Variants in PCED1B observed in about 807,000 individuals in gnomAD.
PCED1B encodes the protein PC-esterase domain-containing protein 1B.
For missense variants in PCED1B, 573 were observed against 573.9 expected, an observed-to-expected ratio of 1.00 and a Z score of 0.02; for synonymous variants, 251 against 246.1, an observed-to-expected ratio of 1.02 and a Z score of -0.19.
intron 2 of PCED1B, among the ~76,000 whole-genome samples, chr12:47,141,684 C>A (rs1049110824): frequency 1.3e-5 from 2 of 152,186 alleles, no homozygotes; most frequent in Non-Finnish European, 2.9e-5. Flanking sequence ...CCACAGCATA[C>A]CTTCAAAGAG....
chr12:47,177,857 G>A lies in PCED1B; in HGVS notation c.-525-38365G>A, dbSNP rs994871999. Among the ~76,000 whole-genome samples, 5 of 152,108 alleles carry A rather than the reference G, an allele frequency of 3.3e-5. No individual in the cohort carries two copies. The South Asian group carries it at 1.0e-3, about 32-fold the overall frequency. Reference sequence around the variant, plus strand: ...TACTACTCAGGAGGCTGGGGCAGGAGAATCGCTTGAACTCGGTAGGTGGAG... The same window carrying A: ...TACTACTCAGGAGGCTGGGGCAGGAAAATCGCTTGAACTCGGTAGGTGGAG... On this transcript the variant is annotated intron_variant, in intron 2 of 3. Transcript: ENST00000546455.
chr12:47,122,886 A>G (rs1939737107), intron 2 of PCED1B, among the ~76,000 whole-genome samples: 1 of 152,186 alleles, frequency 6.6e-6, no homozygotes, highest in Admixed American at 6.5e-5. Context: ...AAAGAATGTC[A>G]CTGACCTCCT....
intron 3 of PCED1B, among the ~76,000 whole-genome samples, chr12:47,220,068 CAAA>C (rs763940625): frequency 2.6e-3 from 274 of 103,726 alleles, no homozygotes; most frequent in African/African-American, 8.3e-3. Context: ...GACACTGCCT[CAAA>C]AAAAAAAAAA....
At chr12:47,144,439 G>T (rs1467764369) in intron 2 of PCED1B, among the ~76,000 whole-genome samples, 1 of 152,138 alleles carries the variant, frequency 6.6e-6, no homozygotes, top group Non-Finnish European at 1.5e-5. Flanking sequence ...CAGTATCTTG[G>T]TCACACACTT....
At chr12:47,089,392 A>G (rs1938142097) in intron 1 of PCED1B, among the ~76,000 whole-genome samples, 1 of 146,430 alleles carries the variant, frequency 6.8e-6, no homozygotes, top group East Asian at 2.0e-4. Context: ...GCTTGCAGTG[A>G]GCTGAGATCA....
At chr12:47,165,632 A>G (rs1250617744) in intron 2 of PCED1B, among the ~76,000 whole-genome samples, 2 of 152,196 alleles carry the variant, frequency 1.3e-5, no homozygotes, top group South Asian at 2.1e-4. Flanking sequence ...TACTAACTCC[A>G]TGATTTTCTA....
chr12:47,089,497 TATAC>T, intron 1 of PCED1B, among the ~76,000 whole-genome samples: 1 of 128,012 alleles, frequency 7.8e-6, no homozygotes, highest in African/African-American at 3.0e-5. Context: ...TATATATGTA[TATAC>T]CAAAAAACAT....
intron 1 of PCED1B, among the ~76,000 whole-genome samples, chr12:47,086,986 C>T (rs1938017750): frequency 6.6e-6 from 1 of 152,176 alleles, no homozygotes; most frequent in Non-Finnish European, 1.5e-5. Context: ...AACGTTAACA[C>T]TAAACAAAAT....
rs527395913 is a variant in PCED1B at position 47,127,302 on chromosome 12, G to A, written c.-526+23107G>A. On this transcript the variant is annotated intron_variant, in intron 2 of 3. Transcript: ENST00000546455. ...TGATTTCTTCTATTACCCAGGGGATGTTTAGAGTGTGTTATTTAGTTTCCA... is the reference window on the plus strand; with the variant it reads ...TGATTTCTTCTATTACCCAGGGGATATTTAGAGTGTGTTATTTAGTTTCCA... Among the ~76,000 whole-genome samples the A allele has an allele frequency of 2.3e-4, 34 of 150,558 alleles. No individual in the cohort carries two copies. The South Asian group carries it at 6.1e-3, about 27-fold the overall frequency.
chr12:47,161,887 G>A (rs1192663674), intron 2 of PCED1B, among the ~76,000 whole-genome samples: 1 of 152,140 alleles, frequency 6.6e-6, no homozygotes, highest in East Asian at 1.9e-4. Context: ...TGATAGACTG[G>A]AGTAAGAAAA....
intron 3 of PCED1B, 145 bp downstream of exon 3, chr12:47,216,834 T>G (rs1026202034): frequency 6.6e-6 from 1 of 152,180 alleles, no homozygotes; most frequent in Non-Finnish European, 1.5e-5. Flanking sequence ...CATGTAACAC[T>G]AAAGAGACAA....
At chr12:47,143,685 C>A (rs1940679849) in intron 2 of PCED1B, among the ~76,000 whole-genome samples, 1 of 152,106 alleles carries the variant, frequency 6.6e-6, no homozygotes, top group Admixed American at 6.6e-5. Context: ...AGTGTAATCC[C>A]TATCAAAATT....
At chr12:47,117,245 T>C (rs941797362) in intron 2 of PCED1B, among the ~76,000 whole-genome samples, 7 of 152,156 alleles carry the variant, frequency 4.6e-5, no homozygotes, top group Non-Finnish European at 7.4e-5. Flanking sequence ...ATGTGCACAA[T>C]GTGCAGGTTT....
At chr12:47,084,353 T>G (rs1315115661) in intron 1 of PCED1B, among the ~76,000 whole-genome samples, 1 of 152,234 alleles carries the variant, frequency 6.6e-6, no homozygotes, top group African/African-American at 2.4e-5. Context: ...GTATCACTTT[T>G]GCACCATTGT....
At chr12:47,093,942 T>C (rs1305783179) in intron 1 of PCED1B, among the ~76,000 whole-genome samples, 1 of 152,098 alleles carries the variant, frequency 6.6e-6, no homozygotes, top group Admixed American at 6.5e-5. Flanking sequence ...AGATTACATA[T>C]GTTAACTGTG....
intron 2 of PCED1B, among the ~76,000 whole-genome samples, chr12:47,116,613 G>A (rs1034855031): frequency 5.3e-5 from 8 of 152,172 alleles, no homozygotes; most frequent in African/African-American, 1.9e-4. Context: ...TTAATAGGTA[G>A]TTAGATCATT....
chr12:47,188,288 T>C (rs1264013374), intron 2 of PCED1B, among the ~76,000 whole-genome samples: 1 of 152,136 alleles, frequency 6.6e-6, no homozygotes, highest in Non-Finnish European at 1.5e-5. Flanking sequence ...ATAGAATATG[T>C]CATAAATTCC....
chr12:47,151,740 A>G (rs1047219400), intron 2 of PCED1B, among the ~76,000 whole-genome samples: 1 of 152,216 alleles, frequency 6.6e-6, no homozygotes, highest in African/African-American at 2.4e-5. Context: ...GGACCATCAC[A>G]TAGAGAGAAA....
chr12:47,193,451 C>A lies in PCED1B; in HGVS notation c.-525-22771C>A, dbSNP rs11183787. 0.011 allele frequency among the ~76,000 whole-genome samples: 1,643 copies of A among 152,312 alleles called. 82 individuals are homozygous for A. In the East Asian group the frequency reaches 0.15, roughly 14 times the overall value. On this transcript the variant is annotated intron_variant, in intron 2 of 3. Coordinates refer to ENST00000546455, the MANE Select transcript of PCED1B (RefSeq NM_138371.3). ...CTCCAGTCATTGTTTCAGCCCATCACCTTCTCCCCAACCCTCAATCACCAT... is the reference window on the plus strand; with the variant it reads ...CTCCAGTCATTGTTTCAGCCCATCAACTTCTCCCCAACCCTCAATCACCAT...
Sources: gnomAD v4.1 joint callset for allele counts (sites outside exome capture counted in the v4.1 genomes callset) on GRCh38, gnomAD v4.1.1 for gene constraint, MANE v1.5 for transcripts, NCBI Gene and HGNC (gene_info 2026-07-23, HGNC 2026-07-21) for gene names.